CLASP1: variants seen among roughly 807,000 people sequenced by gnomAD.
CLASP1 encodes cytoplasmic linker associated protein 1.
Under a neutral mutation model 192.3 loss-of-function variants are expected in CLASP1, and 38 were observed. That is an observed-to-expected ratio of 0.20 (90% confidence interval 0.15 to 0.26). The LOEUF (loss-of-function observed/expected upper bound fraction) is 0.26, where lower values mean the gene tolerates loss of function less well. Ranked by LOEUF, CLASP1 falls within the 10% of genes least tolerant of loss-of-function variation. The pLI is 1.00. For synonymous variants in CLASP1, 691 were observed against 712.8 expected, an observed-to-expected ratio of 0.97 and a Z score of 0.49; for missense variants, 1,433 against 1,932.5, an observed-to-expected ratio of 0.74 and a Z score of 4.85.
At position 121,387,743 on chromosome 2, in the gene CLASP1, A is replaced by G. The variant is rs746262416; in HGVS notation, c.3267+20T>C. On this transcript the variant is annotated intron_variant, in intron 31 of 39. Transcript: ENST00000263710. ...GGTCATGGACATCACATAGGCACCA[A>G]TCGTGACCAAAGCACTCACCACACT... is the stretch of plus-strand genomic sequence containing the variant. The G allele has an allele frequency of 5.0e-6, 8 of 1,613,622 alleles. No homozygotes were observed. Among genetic ancestry groups the G allele is most frequent in the African/African-American group, 1.3e-5 (1 of 74,926 alleles).
chr2:121,582,275 G>C (rs547479751), intron 2 of CLASP1, among the ~76,000 whole-genome samples: 41 of 150,286 alleles, frequency 2.7e-4, no homozygotes, highest in South Asian at 6.3e-4. Flanking sequence ...GGACAGGAAA[G>C]GGAGAGAGAG....
Position 121,515,469 on chromosome 2 carries a change from C to G in CLASP1, c.644+196G>C, listed in dbSNP as rs141053497. Among the ~76,000 whole-genome samples, 1,003 of 152,270 alleles carry G rather than the reference C, an allele frequency of 6.6e-3. 15 individuals are homozygous for G. Among genetic ancestry groups the G allele is most frequent in the African/African-American group, 0.023 (959 of 41,534 alleles). On this transcript the variant is annotated intron_variant, in intron 7 of 39. Coordinates refer to ENST00000263710, the Ensembl canonical transcript of CLASP1. ...TGGCCAGTTGTCTGAGTGAGAAACT[C>G]TCATTTCTGAGGAACTGGAATGGGA... is the stretch of plus-strand genomic sequence containing the variant.
chr2:121,433,961 T>G (rs2081908846), intron 19 of CLASP1, among the ~76,000 whole-genome samples: 2 of 152,200 alleles, frequency 1.3e-5, no homozygotes, highest in Admixed American at 6.5e-5. Flanking sequence ...GCATCTCCAC[T>G]GATAAACTGA....
intron 8 of CLASP1, among the ~76,000 whole-genome samples, chr2:121,496,595 C>T (rs1404492731): frequency 6.6e-6 from 1 of 152,136 alleles, no homozygotes; most frequent in African/African-American, 2.4e-5. Context: ...TTCGGTGAAA[C>T]AAACCAATCG....
At chr2:121,581,360 C>T (rs1046896040) in intron 2 of CLASP1, among the ~76,000 whole-genome samples, 1 of 147,990 alleles carries the variant, frequency 6.8e-6, no homozygotes, top group Non-Finnish European at 1.5e-5. Flanking sequence ...CTGCAAGCTC[C>T]GCTTCCCGGG....
intron 8 of CLASP1, among the ~76,000 whole-genome samples, chr2:121,487,543 A>G (rs185514031): frequency 1.3e-5 from 2 of 152,194 alleles, no homozygotes; most frequent in African/African-American, 4.8e-5. Context: ...AGGCTCTTCT[A>G]GGTTGTGACA....
intron 37 of CLASP1, among the ~76,000 whole-genome samples, chr2:121,362,114 T>C (rs1269346145): frequency 2.0e-5 from 3 of 152,254 alleles, no homozygotes; most frequent in Non-Finnish European, 4.4e-5. Flanking sequence ...TCCACGAGTG[T>C]GCTCACACGA....
chr2:121,450,783 G>C, intron 16 of CLASP1, 130 bp downstream of exon 16: 1 of 614,148 alleles, frequency 1.6e-6, no homozygotes, highest in Non-Finnish European at 2.8e-6. Flanking sequence ...ATGGCCTTTT[G>C]GGGGTCATGT....
At chr2:121,601,430 C>A (rs1277837723) in intron 2 of CLASP1, among the ~76,000 whole-genome samples, 8 of 152,060 alleles carry the variant, frequency 5.3e-5, no homozygotes, top group Non-Finnish European at 1.5e-5. Context: ...TGCCACCATG[C>A]CCAGCTAATT....
intron 2 of CLASP1, among the ~76,000 whole-genome samples, chr2:121,594,568 T>C (rs543498925): frequency 6.6e-6 from 1 of 151,996 alleles, no homozygotes; most frequent in African/African-American, 2.4e-5. Context: ...AATTTCTGTA[T>C]TTTTAGTAGA....
At chr2:121,404,288 C>G (rs1559057007) in intron 26 of CLASP1, 83 bp downstream of exon 27, 16 of 1,556,132 alleles carry the variant, frequency 1.0e-5, no homozygotes, top group Admixed American at 3.9e-5. Flanking sequence ...ATCGGGAATT[C>G]TCTCTCATTC....
At chr2:121,470,293 CTTTTTTTTTTTT>C (rs70954550) in intron 8 of CLASP1, 5,142 of 304,594 alleles carry the variant, frequency 0.017, 1 homozygote, top group South Asian at 0.033. Flanking sequence ...ACCATCCATG[CTTTTTTTTTTTT>C]TTTTTTTTTT....
intron 6 of CLASP1, among the ~76,000 whole-genome samples, chr2:121,516,276 T>A (rs981854958): frequency 2.0e-5 from 3 of 152,186 alleles, no homozygotes; most frequent in Non-Finnish European, 4.4e-5. Flanking sequence ...CAGGGCATGA[T>A]GGAATAAACA....
intron 8 of CLASP1, among the ~76,000 whole-genome samples, chr2:121,476,744 C>A (rs1180885892): frequency 6.6e-6 from 1 of 152,166 alleles, no homozygotes; most frequent in African/African-American, 2.4e-5. Context: ...AAGCTGCTAT[C>A]CTGACAGGCT....
At chr2:121,504,242 AAAAG>A (rs2093866155) in intron 7 of CLASP1, among the ~76,000 whole-genome samples, 3 of 152,136 alleles carry the variant, frequency 2.0e-5, no homozygotes, top group African/African-American at 2.4e-5. Context: ...CAAAAAAAAA[AAAAG>A]AAAGAAAAAA....
chr2:121,472,681 G>A (rs1478325377), intron 8 of CLASP1, among the ~76,000 whole-genome samples: 1 of 152,196 alleles, frequency 6.6e-6, no homozygotes, highest in Non-Finnish European at 1.5e-5. Context: ...TAAGTTCTAG[G>A]CCTCACGTGT....
At chr2:121,477,416 G>C (rs533809399) in intron 8 of CLASP1, among the ~76,000 whole-genome samples, 1 of 152,260 alleles carries the variant, frequency 6.6e-6, no homozygotes, top group East Asian at 1.9e-4. Flanking sequence ...TACTTTTTAA[G>C]CTTCCAAATT....
chr2:121,382,221 A>G, exon 33 of CLASP1: 5 of 1,607,920 alleles, frequency 3.1e-6, no homozygotes, highest in Non-Finnish European at 3.4e-6. Context: ...GGAGAGTAAG[A>G]GCGCCTGAGA....
At chr2:121,613,456 G>A (rs1346551955) in intron 1 of CLASP1, among the ~76,000 whole-genome samples, 5 of 152,078 alleles carry the variant, frequency 3.3e-5, no homozygotes, top group Non-Finnish European at 2.9e-5. Flanking sequence ...ACTTCAACAA[G>A]AAGGAAGGAA....
Sources: allele counts gnomAD v4.1 joint callset (sites outside exome capture counted in the v4.1 genomes callset), GRCh38; gene constraint gnomAD v4.1.1; transcripts MANE v1.5; gene names NCBI Gene and HGNC (gene_info 2026-07-23, HGNC 2026-07-21).